The following KATNBL1 variants were observed in gnomAD, a reference collection of about 807,000 sequenced individuals.
KATNBL1 encodes KATNB1-like protein 1.
KATNBL1 carries 28 observed loss-of-function variants against 44.7 expected under a neutral mutation model. The ratio of observed to expected loss-of-function variants is 0.63; its 90% CI spans 0.46 to 0.86. The LOEUF (loss-of-function observed/expected upper bound fraction) is 0.86, where lower values mean the gene tolerates loss of function less well. KATNBL1 is among the 40% of genes least tolerant of loss of function. KATNBL1 has a pLI of 0.00. For synonymous variants in KATNBL1, 78 were observed against 114.9 expected, an observed-to-expected ratio of 0.68 and a Z score of 2.06; for missense variants, 272 against 350.7, an observed-to-expected ratio of 0.78 and a Z score of 1.79.
intron 2 of KATNBL1, among the ~76,000 whole-genome samples, chr15:34,163,208 T>C (rs922851416): frequency 6.6e-6 from 1 of 151,856 alleles, no homozygotes; most frequent in Non-Finnish European, 1.5e-5. Flanking sequence ...CATGCCCAGA[T>C]AATTTTTGTA....
chr15:34,184,433 C>T (rs1264620476), intron 1 of KATNBL1, among the ~76,000 whole-genome samples: 1 of 150,820 alleles, frequency 6.6e-6, no homozygotes, highest in Non-Finnish European at 1.5e-5. Flanking sequence ...CTACAGTGAA[C>T]CGAGATTGCG....
At chr15:34,162,856 C>T (rs1466058880) in intron 2 of KATNBL1, among the ~76,000 whole-genome samples, 4 of 151,330 alleles carry the variant, frequency 2.6e-5, no homozygotes, top group African/African-American at 9.7e-5. Flanking sequence ...TCAAGCAATC[C>T]TCCTGCCTCA....
chr15:34,172,326 G>A (rs897743187), intron 1 of KATNBL1, among the ~76,000 whole-genome samples: 3 of 129,814 alleles, frequency 2.3e-5, no homozygotes, highest in East Asian at 2.4e-4. Context: ...GCACGATCTC[G>A]GCTCACTGCA....
chr15:34,177,571 G>A lies in KATNBL1; in HGVS notation c.-14-13881C>T, dbSNP rs969759414. ...AGGCAGGAGAATCACTTGAGCCCGC[G>A]AGGCAGAGGTTGCAGCGAGCCACTG... On this transcript the variant is annotated intron_variant, in intron 1 of 9. Transcript: ENST00000256544. Among the ~76,000 whole-genome samples the A allele has an allele frequency of 7.8e-5, 11 of 141,422 alleles. No individual in the cohort carries two copies. The East Asian group carries it at 1.9e-3, about 25-fold the overall frequency. 92.8% of individuals were successfully genotyped at this position (141,422 alleles called of 152,430 possible).
Position 34,181,926 on chromosome 15 carries a change from C to T in KATNBL1, c.-14-18236G>A, listed in dbSNP as rs189360880. On this transcript the variant is annotated intron_variant, in intron 1 of 9. Coordinates refer to ENST00000256544, the MANE Select transcript of KATNBL1 (RefSeq NM_024713.3). ...GAAAGGGTTTTGCTGGGGAAAGATTCCACTACGATAGTGTTAACAGTATCA... is the reference window on the plus strand; with the variant it reads ...GAAAGGGTTTTGCTGGGGAAAGATTTCACTACGATAGTGTTAACAGTATCA... 1.7e-3 allele frequency among the ~76,000 whole-genome samples: 237 copies of T among 143,554 alleles called. 1 individual carries two copies. Among genetic ancestry groups the T allele is most frequent in the Admixed American group, 2.8e-3 (40 of 14,086 alleles). The allele number at this position is 143,554 out of a possible 152,430, so 94.2% of individuals were successfully genotyped here.
chr15:34,187,825 A>C (rs1889757731), intron 1 of KATNBL1, among the ~76,000 whole-genome samples: 1 of 152,066 alleles, frequency 6.6e-6, no homozygotes, highest in South Asian at 2.1e-4. Context: ...GCAAACAACC[A>C]CATTGCCACA....
rs1259956099 is a variant in KATNBL1 at position 34,147,526 on chromosome 15, CATTT to C, written c.558-100_558-97del. The C allele has an allele frequency of 3.4e-5, 27 of 799,190 alleles. No homozygotes were observed. The East Asian group carries it at 7.4e-4, about 22-fold the overall frequency. 49.5% of individuals were successfully genotyped at this position (799,190 alleles called of 1,614,324 possible). A position where few individuals can be genotyped will look rare whatever the true frequency, so the allele number is the denominator to read the frequency against. ...TCACACCGCTTTTGAGAAATTCATT[CATTT>C]AACAATGTCAGTATCTACAATGAGT... is the stretch of plus-strand genomic sequence containing the variant. On this transcript the variant is annotated intron_variant, in intron 5 of 9. Coordinates refer to ENST00000256544, the MANE Select transcript of KATNBL1 (RefSeq NM_024713.3).
chr15:34,153,055 G>C lies in KATNBL1; in HGVS notation c.173C>G (p.Thr58Ser). ...ACGAAGTTTATCTGGGCTTTTCACA[G>C]TTTGTCCAACTGTTCTGTAAAAAGA... ...AAYINRTVGQ[T>S]VKSPDKLRKV... Residue 58 changes from threonine to serine, a missense_variant, in exon 4 of 10, where the codon ACT becomes AGT. Thr to Ser is a moderately conservative substitution (Grantham distance 58). Coordinates refer to ENST00000256544, the MANE Select transcript of KATNBL1 (RefSeq NM_024713.3). 6.2e-7 allele frequency: 1 copy of C among 1,608,552 alleles called. No homozygotes were observed. Among genetic ancestry groups the C allele is most frequent in the Non-Finnish European group, 8.5e-7 (1 of 1,176,764 alleles).
intron 4 of KATNBL1, among the ~76,000 whole-genome samples, chr15:34,150,729 T>A (rs146334792): frequency 3.3e-4 from 50 of 152,314 alleles, no homozygotes; most frequent in African/African-American, 1.1e-3. Context: ...TAGTAACTGA[T>A]AAGTAGTTTT....
At chr15:34,159,460 G>C (rs1475849318) in intron 2 of KATNBL1, among the ~76,000 whole-genome samples, 2 of 152,128 alleles carry the variant, frequency 1.3e-5, no homozygotes, top group African/African-American at 4.8e-5. Flanking sequence ...CTTCTTTACA[G>C]GCAGTATTGG....
At chr15:34,204,022 T>TAAA (rs35383096) in intron 1 of KATNBL1, among the ~76,000 whole-genome samples, 1 of 130,670 alleles carries the variant, frequency 7.7e-6, no homozygotes, top group Admixed American at 7.7e-5. Flanking sequence ...AGAACTTAAT[T>TAAA]AAAAAAAAAA....
At chr15:34,164,325 G>A (rs1028285294) in intron 1 of KATNBL1, among the ~76,000 whole-genome samples, 1 of 152,050 alleles carries the variant, frequency 6.6e-6, no homozygotes, top group Non-Finnish European at 1.5e-5. Context: ...GAAATAAGGT[G>A]TATAAGGTGG....
intron 4 of KATNBL1, among the ~76,000 whole-genome samples, chr15:34,151,436 C>CTTTTTTT (rs58824450): frequency 3.3e-5 from 2 of 60,708 alleles, no homozygotes; most frequent in Non-Finnish European, 2.9e-5. Flanking sequence ...CCTTTGCCTA[C>CTTTTTTT]TTTTTTTTTT....
intron 1 of KATNBL1, among the ~76,000 whole-genome samples, chr15:34,191,820 G>A (rs1000632730): frequency 1.3e-5 from 2 of 151,714 alleles, no homozygotes; most frequent in African/African-American, 2.4e-5. Context: ...GGTGGCGGGC[G>A]CCTGTAGTCC....
intron 1 of KATNBL1, among the ~76,000 whole-genome samples, chr15:34,184,576 C>CTTTTCTTTTTTTTTTTTTTTTT (rs760395860): frequency 1.0e-5 from 1 of 95,258 alleles, no homozygotes; most frequent in African/African-American, 3.9e-5. Context: ...CCTAATGTTT[C>CTTTTCTTTTTTTTTTTTTTTTT]TTTTTTTTTT....
chr15:34,200,016 A>G (rs1890137226), intron 1 of KATNBL1, among the ~76,000 whole-genome samples: 1 of 152,094 alleles, frequency 6.6e-6, no homozygotes, highest in Non-Finnish European at 1.5e-5. Flanking sequence ...TCCACTTTAC[A>G]GAGTGCTGGT....
intron 1 of KATNBL1, among the ~76,000 whole-genome samples, chr15:34,201,368 A>G (rs967120051): frequency 3.3e-5 from 5 of 152,204 alleles, no homozygotes; most frequent in African/African-American, 1.2e-4. Context: ...TATTCACTAA[A>G]TATCTTTTGA....
At chr15:34,170,158 T>C (rs1274549179) in intron 1 of KATNBL1, among the ~76,000 whole-genome samples, 2 of 152,208 alleles carry the variant, frequency 1.3e-5, no homozygotes, top group Admixed American at 1.3e-4. Flanking sequence ...TGTCCCTGTT[T>C]GCAGATGACA....
chr15:34,146,130 G>A (rs1438677617), intron 8 of KATNBL1: 1 of 152,234 alleles, frequency 6.6e-6, no homozygotes, highest in Non-Finnish European at 1.5e-5. Flanking sequence ...ATTTTTTGTA[G>A]AGACGGGATG....
Sources: gnomAD v4.1 joint callset for allele counts (sites outside exome capture counted in the v4.1 genomes callset) on GRCh38, gnomAD v4.1.1 for gene constraint, MANE v1.5 for transcripts, NCBI Gene and HGNC (gene_info 2026-07-23, HGNC 2026-07-21) for gene names.